The following CNTN1 variants were observed in gnomAD, a reference collection of about 807,000 sequenced individuals.
The protein encoded by CNTN1 is contactin 1, also known as contactin-1.
A neutral mutation model predicts 126.4 loss-of-function variants in CNTN1; 38 were observed. That is an observed-to-expected ratio of 0.30 (90% CI 0.23 to 0.39). The LOEUF (loss-of-function observed/expected upper bound fraction) is 0.39, where lower values mean the gene tolerates loss of function less well. Among genes scored for constraint, CNTN1 ranks in the 10% least tolerant of loss-of-function variants. The pLI, the probability that CNTN1 is intolerant of heterozygous loss-of-function variation, is 1.00. For synonymous variants in CNTN1, 413 were observed against 422.6 expected (o/e 0.98, Z 0.28); for missense variants, 1,009 against 1,248.4 (o/e 0.81, Z 2.89).
intron 3 of CNTN1, among the ~76,000 whole-genome samples, chr12:40,917,063 G>GGGTA: frequency 1.5e-5 from 1 of 65,576 alleles, no homozygotes; most frequent in Admixed American, 2.4e-4. Flanking sequence ...GGTGGGGGCG[G>GGGTA]GGGGGGGGGC....
intron 17 of CNTN1, among the ~76,000 whole-genome samples, chr12:41,004,399 G>A (rs1192291804): frequency 1.3e-5 from 2 of 152,182 alleles, no homozygotes; most frequent in East Asian, 3.8e-4. Context: ...GTGGCAATGA[G>A]AAGAATATAT....
At chr12:40,846,820 T>C (rs1337785633) in intron 1 of CNTN1, among the ~76,000 whole-genome samples, 1 of 152,070 alleles carries the variant, frequency 6.6e-6, no homozygotes, top group African/African-American at 2.4e-5. Flanking sequence ...GGCTCCCGAG[T>C]AGCTGAGAGT....
chr12:40,832,975 C>T (rs991572111), intron 1 of CNTN1, among the ~76,000 whole-genome samples: 5 of 152,198 alleles, frequency 3.3e-5, no homozygotes, highest in African/African-American at 4.8e-5. Flanking sequence ...CTCCCTCTGC[C>T]TCCTGACCAG....
At position 40,970,948 on chromosome 12, in the gene CNTN1, A is replaced by T. The variant is rs961920394; in HGVS notation, c.1805-9961A>T. Among the ~76,000 whole-genome samples, 4 of 152,286 alleles carry T rather than the reference A, an allele frequency of 2.6e-5. No homozygotes were observed. In the South Asian group the frequency reaches 8.3e-4, roughly 32 times the overall value. The stretch of plus-strand genomic sequence containing the variant: ...TTCCTTCCCTTTACTATGAATGTAT[A>T]TATCGACATAAGAAATAAATAAAAT... On this transcript the variant is annotated intron_variant, in intron 15 of 23. Transcript: ENST00000551295.
At chr12:40,710,999 G>T (rs1365428985) in intron 1 of CNTN1, among the ~76,000 whole-genome samples, 2 of 152,066 alleles carry the variant, frequency 1.3e-5, no homozygotes, top group African/African-American at 4.8e-5. Flanking sequence ...TACTTATATT[G>T]CTAAAAATAT....
intron 17 of CNTN1, among the ~76,000 whole-genome samples, chr12:40,994,413 A>G (rs778370399): frequency 6.6e-6 from 1 of 152,116 alleles, no homozygotes; most frequent in Non-Finnish European, 1.5e-5. Context: ...GACCAATTTA[A>G]TCACTTAGTA....
At chr12:40,776,812 G>C (rs1304784544) in intron 1 of CNTN1, among the ~76,000 whole-genome samples, 3 of 151,680 alleles carry the variant, frequency 2.0e-5, no homozygotes, top group Non-Finnish European at 3.0e-5. Context: ...ACTCTATCAA[G>C]TAGGCGACAC....
chr12:40,999,859 C>T (rs531166455), intron 17 of CNTN1, among the ~76,000 whole-genome samples: 18 of 151,972 alleles, frequency 1.2e-4, no homozygotes, highest in Middle Eastern at 6.8e-3. Flanking sequence ...CTCACCACCA[C>T]GCCCAGCTAG....
chr12:40,707,076 ACACACACACACAC>A (rs1941774472), intron 1 of CNTN1, among the ~76,000 whole-genome samples: 1 of 112,988 alleles, frequency 8.9e-6, no homozygotes, highest in African/African-American at 3.6e-5. Flanking sequence ...ACACACACAC[ACACACACACACAC>A]CCCTGCTCAG....
intron 15 of CNTN1, among the ~76,000 whole-genome samples, chr12:40,962,810 G>A (rs977163547): frequency 3.3e-5 from 5 of 152,078 alleles, no homozygotes; most frequent in Admixed American, 2.0e-4. Context: ...TTCAAATCAT[G>A]AGATTGTATT....
chr12:40,855,551 T>G (rs1184124001), intron 1 of CNTN1, among the ~76,000 whole-genome samples: 1 of 152,124 alleles, frequency 6.6e-6, no homozygotes, highest in Non-Finnish European at 1.5e-5. Context: ...AGTTATAAAA[T>G]GGTTATAATT....
intron 17 of CNTN1, among the ~76,000 whole-genome samples, chr12:40,999,261 C>T (rs1948296326): frequency 1.3e-5 from 2 of 152,128 alleles, no homozygotes; most frequent in African/African-American, 4.8e-5. Flanking sequence ...TAAAGCAGCT[C>T]ACTATTTTTA....
intron 17 of CNTN1, among the ~76,000 whole-genome samples, chr12:41,006,900 C>A (rs977112149): frequency 6.6e-6 from 1 of 152,110 alleles, no homozygotes; most frequent in African/African-American, 2.4e-5. Context: ...ATACTTTGTT[C>A]ATCTGTACAA....
At chr12:40,827,905 C>T (rs961214998) in intron 1 of CNTN1, among the ~76,000 whole-genome samples, 1 of 151,906 alleles carries the variant, frequency 6.6e-6, no homozygotes, top group Non-Finnish European at 1.5e-5. Flanking sequence ...CTTTAGTCTC[C>T]GAACAGAATG....
intron 1 of CNTN1, among the ~76,000 whole-genome samples, chr12:40,700,883 A>G (rs1941577677): frequency 2.0e-5 from 3 of 152,256 alleles, no homozygotes; most frequent in Admixed American, 2.0e-4. Flanking sequence ...AATGTGTTGC[A>G]CATGACCATC....
At chr12:40,850,489 A>C (rs1005646707) in intron 1 of CNTN1, among the ~76,000 whole-genome samples, 4 of 152,128 alleles carry the variant, frequency 2.6e-5, no homozygotes, top group Non-Finnish European at 5.9e-5. Context: ...TATATGTTAT[A>C]AAACAAAATG....
chr12:40,745,243 A>G (rs1247114266), intron 1 of CNTN1, among the ~76,000 whole-genome samples: 1 of 152,136 alleles, frequency 6.6e-6, no homozygotes, highest in Non-Finnish European at 1.5e-5. Flanking sequence ...ATATTTGAAG[A>G]GATTTATTGT....
intron 1 of CNTN1, among the ~76,000 whole-genome samples, chr12:40,820,426 T>C (rs1244666421): frequency 6.6e-6 from 1 of 152,160 alleles, no homozygotes; most frequent in Admixed American, 6.5e-5. Flanking sequence ...GGAGTGGCAG[T>C]GAAGTCAGAG....
Position 40,947,782 on chromosome 12 carries a change from TACACACACACACAC to T in CNTN1, c.1683+3646_1683+3659del, listed in dbSNP as rs56852774. On this transcript the variant is annotated intron_variant, in intron 14 of 23. Transcript: ENST00000551295. ...ACTATTTCATATATATATATATATA[TACACACACACACAC>T]ACACACACACACACACACACACACA... is the stretch of plus-strand genomic sequence containing the variant. 6.9e-4 allele frequency among the ~76,000 whole-genome samples: 82 copies of T among 118,914 alleles called. 2 individuals are homozygous for T. Among genetic ancestry groups the T allele is most frequent in the East Asian group, 1.6e-3 (7 of 4,314 alleles). The allele number at this position is 118,914 out of a possible 152,430, so 78.0% of individuals were successfully genotyped here.
Sources: gnomAD v4.1 joint callset for allele counts (sites outside exome capture counted in the v4.1 genomes callset) on GRCh38, gnomAD v4.1.1 for gene constraint, MANE v1.5 for transcripts, NCBI Gene and HGNC (gene_info 2026-07-23, HGNC 2026-07-21) for gene names.